The following ANKH variants were observed in gnomAD, a reference collection of about 807,000 sequenced individuals.
ANKH encodes the protein mineralization regulator ANKH.
In ANKH, 15 loss-of-function variants were observed where a neutral mutation model predicts 49.0. The observed-to-expected ratio is 0.31, with a 90% CI of 0.20 to 0.47. ANKH has a LOEUF of 0.47. Ranked by LOEUF, ANKH falls within the 20% of genes least tolerant of loss-of-function variation. ANKH has a pLI of 1.00. For synonymous variants in ANKH, 273 were observed against 260.0 expected, an observed-to-expected ratio of 1.05 and a Z score of -0.48; for missense variants, 429 against 652.0, an observed-to-expected ratio of 0.66 and a Z score of 3.72.
chr5:14,754,927 T>C (rs1738833633), intron 4 of ANKH, among the ~76,000 whole-genome samples: 3 of 151,940 alleles, frequency 2.0e-5, no homozygotes, highest in African/African-American at 7.3e-5. Context: ...AATACAAAAA[T>C]TAGCCAGGCA....
At chr5:14,714,214 C>G (rs1323031693) in intron 9 of ANKH, among the ~76,000 whole-genome samples, 1 of 152,380 alleles carries the variant, frequency 6.6e-6, no homozygotes, top group African/African-American at 2.4e-5. Context: ...ACTTCCCTTT[C>G]TCCCTCCTAA....
chr5:14,813,386 A>G (rs1390797621), intron 1 of ANKH, among the ~76,000 whole-genome samples: 2 of 152,208 alleles, frequency 1.3e-5, no homozygotes, highest in African/African-American at 4.8e-5. Context: ...CTTGCAGATT[A>G]TTAATGTGAA....
rs1463105593 is a variant in ANKH, at chr5:14,724,508, A to G, written c.1012-7673T>C. ...CCAATAGGATCAGAAGGATCAGTGC[A>G]GTGATGAAGGAAATCGCCAGCTTTA... On this transcript the variant is annotated intron_variant, in intron 8 of 11. Coordinates refer to ENST00000284268, the MANE Select transcript of ANKH (RefSeq NM_054027.6). The G allele has an allele frequency of 8.2e-6, 8 of 974,466 alleles. No individual in the cohort carries two copies. The African/African-American group carries it at 1.2e-4, about 15-fold the overall frequency. The allele number at this position is 974,466 out of a possible 1,614,324, so 60.4% of individuals were successfully genotyped here. A position where few individuals can be genotyped will look rare whatever the true frequency, so the allele number is the denominator to read the frequency against.
chr5:14,839,981 G>A (rs1741770799), intron 1 of ANKH, among the ~76,000 whole-genome samples: 1 of 152,188 alleles, frequency 6.6e-6, no homozygotes, highest in Non-Finnish European at 1.5e-5. Context: ...TGTTCAGGCT[G>A]ACCTTGTCCA....
intron 1 of ANKH, among the ~76,000 whole-genome samples, chr5:14,826,961 T>C (rs1473645352): frequency 6.6e-6 from 1 of 152,164 alleles, no homozygotes; most frequent in Non-Finnish European, 1.5e-5. Flanking sequence ...AGTGTGAGAA[T>C]GTGGGAAGTC....
intron 8 of ANKH, among the ~76,000 whole-genome samples, chr5:14,733,769 C>T (rs1738079305): frequency 6.6e-6 from 1 of 152,192 alleles, no homozygotes; most frequent in Non-Finnish European, 1.5e-5. Flanking sequence ...TGCTCGTGTG[C>T]GGAGCCCCGT....
intron 8 of ANKH, among the ~76,000 whole-genome samples, chr5:14,731,884 T>C (rs1738015689): frequency 6.6e-6 from 1 of 152,162 alleles, no homozygotes; most frequent in South Asian, 2.1e-4. Context: ...GCCACAGCTG[T>C]GTGGGACAGG....
chr5:14,833,898 C>G (rs1463059154), intron 1 of ANKH, among the ~76,000 whole-genome samples: 3 of 152,140 alleles, frequency 2.0e-5, no homozygotes, highest in Non-Finnish European at 4.4e-5. Flanking sequence ...ATATTAAAAC[C>G]CTTTTCAGTA....
At position 14,764,462 on chromosome 5, in the gene ANKH, G is replaced by A. The variant is rs141280376; in HGVS notation, c.313+4513C>T. On this transcript the variant is annotated intron_variant, in intron 2 of 11. Coordinates refer to ENST00000284268, the MANE Select transcript of ANKH (RefSeq NM_054027.6). Reference sequence around the variant, plus strand: ...GGCCATCTAGGCTGGCCAGATGTTCGCCAACAAGGAGCCCACCAAGGTCAG... The same window carrying A: ...GGCCATCTAGGCTGGCCAGATGTTCACCAACAAGGAGCCCACCAAGGTCAG... Among the ~76,000 whole-genome samples, 36 of 152,268 alleles carry A rather than the reference G, an allele frequency of 2.4e-4. 1 individual carries two copies. The East Asian group carries it at 3.9e-3, about 16-fold the overall frequency.
intron 1 of ANKH, among the ~76,000 whole-genome samples, chr5:14,831,304 G>A (rs1041749868): frequency 1.3e-5 from 2 of 152,128 alleles, no homozygotes; most frequent in African/African-American, 4.8e-5. Flanking sequence ...GTTTGTATGA[G>A]GAGCTACTTA....
intron 1 of ANKH, among the ~76,000 whole-genome samples, chr5:14,789,191 GCACTC>G (rs556417496): frequency 5.5e-4 from 83 of 152,232 alleles, no homozygotes; most frequent in African/African-American, 1.9e-3. Context: ...TTGCGCCACT[GCACTC>G]CAGCCTGGGC....
intron 1 of ANKH, among the ~76,000 whole-genome samples, chr5:14,777,768 A>G (rs1289449738): frequency 6.6e-6 from 1 of 152,190 alleles, no homozygotes; most frequent in African/African-American, 2.4e-5. Flanking sequence ...TCTGGTGTAC[A>G]AGCTGCTCAG....
chr5:14,731,960 G>A (rs1727601498), intron 8 of ANKH, among the ~76,000 whole-genome samples: 1 of 152,196 alleles, frequency 6.6e-6, no homozygotes, highest in Non-Finnish European at 1.5e-5. Context: ...CGTGAACAGG[G>A]GTCATGACGG....
At chr5:14,759,196 G>A (rs1738995505) in intron 2 of ANKH, among the ~76,000 whole-genome samples, 2 of 152,126 alleles carry the variant, frequency 1.3e-5, no homozygotes, top group South Asian at 4.1e-4. Context: ...GCAACTTAGG[G>A]TATAGTCCTG....
intron 8 of ANKH, among the ~76,000 whole-genome samples, chr5:14,729,440 G>A (rs1410990708): frequency 6.6e-6 from 1 of 151,294 alleles, no homozygotes; most frequent in Non-Finnish European, 1.5e-5. Flanking sequence ...TGCCCGCCTC[G>A]GCCTCCCAAA....
At chr5:14,863,948 C>A (rs574648344) in intron 1 of ANKH, among the ~76,000 whole-genome samples, 2 of 152,288 alleles carry the variant, frequency 1.3e-5, no homozygotes, top group Admixed American at 6.5e-5. Context: ...GATGTGGTGG[C>A]TCGTGCCTGT....
At chr5:14,726,779 C>T (rs998447381) in intron 8 of ANKH, among the ~76,000 whole-genome samples, 2 of 152,152 alleles carry the variant, frequency 1.3e-5, no homozygotes, top group Non-Finnish European at 2.9e-5. Flanking sequence ...GGTGAATTGC[C>T]GAAAGCAGGC....
chr5:14,720,899 C>T (rs994592191), intron 8 of ANKH, among the ~76,000 whole-genome samples: 7 of 152,178 alleles, frequency 4.6e-5, no homozygotes, highest in African/African-American at 1.4e-4. Flanking sequence ...TGTAATTGCA[C>T]GTCAGAGAGA....
At chr5:14,798,151 C>T in intron 1 of ANKH, 1 of 1,553,034 alleles carries the variant, frequency 6.4e-7, no homozygotes, top group Non-Finnish European at 8.9e-7. Context: ...GGCAGCTGCA[C>T]ACTGGCTATA....
Sources: gnomAD v4.1 joint callset for allele counts (sites outside exome capture counted in the v4.1 genomes callset) on GRCh38, gnomAD v4.1.1 for gene constraint, MANE v1.5 for transcripts, NCBI Gene and HGNC (gene_info 2026-07-23, HGNC 2026-07-21) for gene names.